GARRE1: variants seen among roughly 807,000 people sequenced by gnomAD.
The protein encoded by GARRE1 is granule associated Rac and RHOG effector 1, also known as granule associated Rac and RHOG effector protein 1.
A neutral mutation model predicts 103.2 loss-of-function variants in GARRE1; 49 were observed. The ratio of observed to expected loss-of-function variants is 0.47; its 90% CI spans 0.38 to 0.60. GARRE1 has a LOEUF of 0.60. Among genes scored for constraint, GARRE1 ranks in the 20% least tolerant of loss-of-function variants. The pLI, the probability that GARRE1 is intolerant of heterozygous loss-of-function variation, is 0.00. For missense variants in GARRE1, 1,199 were observed against 1,370.5 expected (o/e 0.87, Z 1.98); for synonymous variants, 505 against 532.8 (o/e 0.95, Z 0.72).
At chr19:34,277,308 T>G (rs1044101312) in intron 1 of GARRE1, among the ~76,000 whole-genome samples, 4 of 151,948 alleles carry the variant, frequency 2.6e-5, no homozygotes, top group Admixed American at 2.0e-4. Flanking sequence ...GAAGAGAGAT[T>G]AAAAGGTTGG....
chr19:34,258,249 C>T (rs1410226503), intron 1 of GARRE1, among the ~76,000 whole-genome samples: 1 of 152,130 alleles, frequency 6.6e-6, no homozygotes, highest in African/African-American at 2.4e-5. Context: ...TACTGCTTCT[C>T]TTCATACATC....
intron 1 of GARRE1, among the ~76,000 whole-genome samples, chr19:34,262,620 A>G (rs1394298128): frequency 6.6e-6 from 1 of 152,064 alleles, no homozygotes; most frequent in Non-Finnish European, 1.5e-5. Flanking sequence ...CAGCCTGCAC[A>G]TGGCTGCCAA....
intron 2 of GARRE1, among the ~76,000 whole-genome samples, chr19:34,317,216 A>G (rs544728656): frequency 5.9e-5 from 9 of 152,204 alleles, no homozygotes; most frequent in Admixed American, 4.6e-4. Flanking sequence ...ATATCTGTTC[A>G]TTGCCTGTTG....
chr19:34,321,952 T>G (rs1340027871), intron 3 of GARRE1, among the ~76,000 whole-genome samples: 1 of 152,134 alleles, frequency 6.6e-6, no homozygotes, highest in East Asian at 1.9e-4. Flanking sequence ...AGGAGAATTG[T>G]GGGATTCTCC....
chr19:34,313,007 T>C (rs1376055013), intron 2 of GARRE1, among the ~76,000 whole-genome samples: 1 of 152,206 alleles, frequency 6.6e-6, no homozygotes, highest in Non-Finnish European at 1.5e-5. Flanking sequence ...GTTTATGACA[T>C]GCGCACCTGG....
chr19:34,354,357 T>C lies in GARRE1; in HGVS notation c.*1402T>C, dbSNP rs1012782908. The C allele has an allele frequency of 1.3e-5, 2 of 152,204 alleles. No homozygotes were observed. Among genetic ancestry groups the C allele is most frequent in the African/African-American group, 2.4e-5 (1 of 41,472 alleles). 9.4% of individuals were successfully genotyped at this position (152,204 alleles called of 1,614,324 possible). ...TTATGTTCTCGTTTTTCTACAGATATAAGTAAATTTATATATAAAAATACC... is the reference window on the plus strand; with the variant it reads ...TTATGTTCTCGTTTTTCTACAGATACAAGTAAATTTATATATAAAAATACC... On this transcript the variant is annotated 3_prime_UTR_variant, in exon 14 of 14. Coordinates refer to ENST00000299505, the MANE Select transcript of GARRE1 (RefSeq NM_014686.5).
chr19:34,334,198 C>G (rs968308834), intron 8 of GARRE1, among the ~76,000 whole-genome samples: 1 of 152,156 alleles, frequency 6.6e-6, no homozygotes, highest in Admixed American at 6.6e-5. Flanking sequence ...TCCTGATGAT[C>G]TTGAGCTCAT....
intron 1 of GARRE1, among the ~76,000 whole-genome samples, chr19:34,288,346 C>T (rs1164505488): frequency 6.6e-6 from 1 of 152,176 alleles, no homozygotes; most frequent in African/African-American, 2.4e-5. Flanking sequence ...AACTGTGACT[C>T]TTCCCCCACC....
In GARRE1 at chr19:34,341,546, A is replaced by T; in HGVS notation, c.1612A>T (p.Lys538Ter). Reference sequence around the variant, plus strand: ...AGGTGGCCTGCAGAAGACATTCTCCAAACTGACATCCCGGTTCACCAAGAA... The same window carrying T: ...AGGTGGCCTGCAGAAGACATTCTCCTAACTGACATCCCGGTTCACCAAGAA... ...SSGGLQKTFS[K>*]LTSRFTKKAS... Residue 538 changes from lysine to a stop codon, truncating the protein, a stop_gained, in exon 10 of 14, where the codon AAA (lysine) becomes TAA (stop). Coordinates refer to ENST00000299505, the MANE Select transcript of GARRE1 (RefSeq NM_014686.5). LOFTEE classifies it high-confidence loss of function. The T allele has an allele frequency of 6.2e-7, 1 of 1,614,162 alleles. No homozygotes were observed. The highest frequency in any genetic ancestry group is 8.5e-7 in the Non-Finnish European group (1 of 1,180,026).
At chr19:34,345,175 C>T (rs904379399) in intron 10 of GARRE1, among the ~76,000 whole-genome samples, 1 of 151,798 alleles carries the variant, frequency 6.6e-6, no homozygotes, top group Non-Finnish European at 1.5e-5. Context: ...CTGGTCTTGA[C>T]CTCCTGACCT....
At chr19:34,284,127 CTTTTTTT>C (rs10608784) in intron 1 of GARRE1, among the ~76,000 whole-genome samples, 2 of 73,432 alleles carry the variant, frequency 2.7e-5, no homozygotes, top group Non-Finnish European at 5.1e-5. Context: ...GCCCGGCTTT[CTTTTTTT>C]TTTTTTTTTT....
Position 34,300,582 on chromosome 19 carries a change from CT to C in GARRE1, c.110del (p.Leu37ArgfsTer5). The part of the protein sequence containing the change: ...QQHQQYPMPE[L>X]GRALSAPLAS... ...GCACCAGCAATACCCGATGCCTGAGCTGGGCCGAGCACTGAGTGCTCCCCTG... is the reference window on the plus strand; with the variant it reads ...GCACCAGCAATACCCGATGCCTGAGCGGGCCGAGCACTGAGTGCTCCCCTG... On this transcript the variant is annotated frameshift_variant, in exon 2 of 14. Coordinates refer to ENST00000299505, the MANE Select transcript of GARRE1 (RefSeq NM_014686.5). LOFTEE classifies it high-confidence loss of function. The C allele has an allele frequency of 6.2e-7, 1 of 1,613,514 alleles. No homozygotes were observed. The highest frequency in any genetic ancestry group is 8.5e-7 in the Non-Finnish European group (1 of 1,180,030).
chr19:34,262,292 T>TTTTTTTTTTTTG (rs2073723598), intron 1 of GARRE1, among the ~76,000 whole-genome samples: 1 of 114,622 alleles, frequency 8.7e-6, no homozygotes, highest in Admixed American at 9.4e-5. Context: ...TGCTGCTTTT[T>TTTTTTTTTTTTG]TTTTTTTTTT....
chr19:34,319,768 C>A, intron 2 of GARRE1, 139 bp from the exon 3 acceptor site: 7 of 681,892 alleles, frequency 1.0e-5, no homozygotes, highest in Non-Finnish European at 1.8e-5. Flanking sequence ...CCTTCTGAAG[C>A]ATGGTGGCCT....
intron 10 of GARRE1, among the ~76,000 whole-genome samples, chr19:34,346,430 T>A (rs973870181): frequency 6.6e-6 from 1 of 152,110 alleles, no homozygotes; most frequent in African/African-American, 2.4e-5. Context: ...AATGAGCAAA[T>A]CTCCTGTCAA....
At chr19:34,321,015 AT>A (rs1482934937) in intron 3 of GARRE1, among the ~76,000 whole-genome samples, 1 of 130,110 alleles carries the variant, frequency 7.7e-6, no homozygotes, top group Non-Finnish European at 1.6e-5. Flanking sequence ...AAGTGCTGGG[AT>A]TACAGGCATT....
At chr19:34,302,377 A>G (rs569159993) in intron 2 of GARRE1, among the ~76,000 whole-genome samples, 60 of 135,120 alleles carry the variant, frequency 4.4e-4, no homozygotes, top group Non-Finnish European at 6.9e-4. Flanking sequence ...TTACTGCAAC[A>G]TCGCCTCCCA....
intron 1 of GARRE1, among the ~76,000 whole-genome samples, chr19:34,279,140 T>C (rs564451042): frequency 1.4e-4 from 21 of 152,314 alleles, no homozygotes; most frequent in Non-Finnish European, 2.2e-4. Flanking sequence ...TTCAGTTCTT[T>C]TGGGTAGATG....
chr19:34,302,593 C>T (rs1209561907), intron 2 of GARRE1, among the ~76,000 whole-genome samples: 3 of 151,958 alleles, frequency 2.0e-5, no homozygotes, highest in African/African-American at 7.2e-5. Context: ...CCTGCCTGTC[C>T]TGTGGATTTT....
Sources: allele counts gnomAD v4.1 joint callset (sites outside exome capture counted in the v4.1 genomes callset), GRCh38; gene constraint gnomAD v4.1.1; transcripts MANE v1.5; gene names NCBI Gene and HGNC (gene_info 2026-07-23, HGNC 2026-07-21).